Variants in ZFR observed in about 807,000 individuals in gnomAD.
ZFR encodes the protein zinc finger RNA binding protein.
In ZFR, 19 loss-of-function variants were observed where a neutral mutation model predicts 130.7. That is an observed-to-expected ratio of 0.15 (90% CI 0.10 to 0.21). ZFR has a LOEUF of 0.21. ZFR is among the 10% of genes least tolerant of loss of function. The pLI, the probability that ZFR is intolerant of heterozygous loss-of-function variation, is 1.00. For missense variants in ZFR, 872 were observed against 1,321.5 expected (o/e 0.66, Z 5.27); for synonymous variants, 466 against 456.9 (o/e 1.02, Z -0.25).
intron 3 of ZFR, among the ~76,000 whole-genome samples, chr5:32,418,914 T>A (rs773088074): frequency 6.6e-6 from 1 of 152,170 alleles, no homozygotes; most frequent in Non-Finnish European, 1.5e-5. Context: ...TTTTCAAACA[T>A]AATAAGGAGA....
intron 10 of ZFR, 44 bp downstream of exon 10, chr5:32,397,175 T>C (rs780470441): frequency 1.3e-6 from 2 of 1,559,178 alleles, no homozygotes; most frequent in South Asian, 2.5e-5. Context: ...GTTTTTGTTT[T>C]TGTTTTTTGT....
chr5:32,376,539 TGA>T (rs1752813500), intron 17 of ZFR, among the ~76,000 whole-genome samples: 2 of 150,588 alleles, frequency 1.3e-5, no homozygotes, highest in African/African-American at 4.9e-5. Context: ...TGTAGTGAGC[TGA>T]GATAGCCGTA....
chr5:32,437,017 T>C (rs1242997946), intron 2 of ZFR, among the ~76,000 whole-genome samples: 2 of 152,186 alleles, frequency 1.3e-5, no homozygotes, highest in African/African-American at 2.4e-5. Flanking sequence ...TGGCAGGTAA[T>C]AGGAGGAGCC....
At chr5:32,423,358 A>T (rs1479024951) in intron 2 of ZFR, among the ~76,000 whole-genome samples, 1 of 152,214 alleles carries the variant, frequency 6.6e-6, no homozygotes, top group Non-Finnish European at 1.5e-5. Flanking sequence ...ATTTAAAAAA[A>T]TTTTTAAAAA....
chr5:32,401,575 A>C (rs960049165), intron 8 of ZFR, among the ~76,000 whole-genome samples: 2 of 152,226 alleles, frequency 1.3e-5, no homozygotes, highest in Admixed American at 6.5e-5. Flanking sequence ...CAGTAATTCA[A>C]TATGAATTAC....
At chr5:32,406,667 A>C in intron 6 of ZFR, 107 bp downstream of exon 6, 1 of 1,423,896 alleles carries the variant, frequency 7.0e-7, no homozygotes, top group Non-Finnish European at 9.2e-7. Context: ...ACTGGCTAAA[A>C]GCTAACAGGA....
chr5:32,381,116 T>A (rs1465544294), intron 15 of ZFR, among the ~76,000 whole-genome samples: 1 of 152,134 alleles, frequency 6.6e-6, no homozygotes, highest in East Asian at 1.9e-4. Flanking sequence ...ACTAGTATGG[T>A]TAAACAGAAT....
At position 32,406,095 on chromosome 5, in the gene ZFR, A is replaced by G. The variant is rs113796952; in HGVS notation, c.1032+679T>C. Among the ~76,000 whole-genome samples, 659 of 152,336 alleles carry G rather than the reference A, an allele frequency of 4.3e-3. 3 individuals carry two copies. The highest frequency in any genetic ancestry group is 0.015 in the African/African-American group (641 of 41,580). ...AAAGTTGACACTCTTAAGCATAATAATAAGGCTGGGAGTTGAATCCATTAA... is the reference window on the plus strand; with the variant it reads ...AAAGTTGACACTCTTAAGCATAATAGTAAGGCTGGGAGTTGAATCCATTAA... On this transcript the variant is annotated intron_variant, in intron 6 of 19. Transcript: ENST00000265069.
At chr5:32,432,500 T>C (rs557177463) in intron 2 of ZFR, among the ~76,000 whole-genome samples, 1 of 152,074 alleles carries the variant, frequency 6.6e-6, no homozygotes, top group Non-Finnish European at 1.5e-5. Flanking sequence ...TTAAATTGGA[T>C]TATTTGACTT....
intron 2 of ZFR, among the ~76,000 whole-genome samples, chr5:32,432,694 A>G (rs72735356): frequency 1.6e-4 from 24 of 152,112 alleles, no homozygotes; most frequent in Non-Finnish European, 2.6e-4. Flanking sequence ...TATAATAATA[A>G]TTTTATTACC....
chr5:32,367,212 T>TCA (rs1321116663), intron 17 of ZFR, among the ~76,000 whole-genome samples: 1 of 152,014 alleles, frequency 6.6e-6, no homozygotes, highest in Non-Finnish European at 1.5e-5. Context: ...GGTGGGTGGA[T>TCA]CACCTGACGT....
At chr5:32,431,424 C>A (rs1209038448) in intron 2 of ZFR, among the ~76,000 whole-genome samples, 3 of 152,058 alleles carry the variant, frequency 2.0e-5, no homozygotes, top group Non-Finnish European at 4.4e-5. Flanking sequence ...CTAGAGGAAC[C>A]ACTACCAGGT....
intron 2 of ZFR, among the ~76,000 whole-genome samples, chr5:32,430,875 A>C (rs1186996237): frequency 2.0e-5 from 3 of 152,204 alleles, no homozygotes; most frequent in African/African-American, 7.2e-5. Flanking sequence ...CAGGAGTTTG[A>C]GACCAGCCTG....
At chr5:32,395,361 T>G (rs767916628) in intron 10 of ZFR, 57 bp from the exon 11 acceptor site, 1 of 1,307,696 alleles carries the variant, frequency 7.6e-7, no homozygotes, top group Non-Finnish European at 1.0e-6. Context: ...TCTACATGTA[T>G]TTTTAATCAT....
intron 17 of ZFR, among the ~76,000 whole-genome samples, chr5:32,374,723 G>T (rs62360818): frequency 3.3e-5 from 3 of 90,168 alleles, no homozygotes; most frequent in African/African-American, 1.3e-4. Flanking sequence ...AAACAAACAA[G>T]CAAAAAAAAA....
intron 6 of ZFR, among the ~76,000 whole-genome samples, chr5:32,406,370 A>G (rs1753579869): frequency 1.3e-5 from 2 of 152,240 alleles, no homozygotes; most frequent in African/African-American, 4.8e-5. Flanking sequence ...CCTGAAAATT[A>G]TAGATTATCA....
At chr5:32,376,749 G>A (rs1455531624) in intron 17 of ZFR, among the ~76,000 whole-genome samples, 2 of 152,184 alleles carry the variant, frequency 1.3e-5, no homozygotes, top group African/African-American at 2.4e-5. Context: ...CAGTTTGGGA[G>A]GCCAAGGAGG....
At chr5:32,399,502 C>A (rs935155670) in intron 9 of ZFR, among the ~76,000 whole-genome samples, 1 of 152,176 alleles carries the variant, frequency 6.6e-6, no homozygotes, top group Non-Finnish European at 1.5e-5. Flanking sequence ...TTTATCCAGT[C>A]CCCTCTGATA....
rs1331256700 is a variant in ZFR at position 32,411,702 on chromosome 5, AAAAT to A, written c.784+3263_784+3266del. ...AGATGCTGTCTCAAAAAAAAAAAAAAAAATTGAGGGGGGGCGGGGAATAGAAAAT... is the reference window on the plus strand; with the variant it reads ...AGATGCTGTCTCAAAAAAAAAAAAAATGAGGGGGGGCGGGGAATAGAAAAT... On this transcript the variant is annotated intron_variant, in intron 5 of 19. Transcript: ENST00000265069. 5.3e-4 allele frequency among the ~76,000 whole-genome samples: 6 copies of A among 11,396 alleles called. 1 individual carries two copies. Among genetic ancestry groups the A allele is most frequent in the Non-Finnish European group, 1.0e-3 (5 of 4,802 alleles). 7.5% of individuals were successfully genotyped at this position (11,396 alleles called of 152,430 possible). A position where few individuals can be genotyped will look rare whatever the true frequency, so the allele number is the denominator to read the frequency against.
Sources: gnomAD v4.1 joint callset for allele counts (sites outside exome capture counted in the v4.1 genomes callset) on GRCh38, gnomAD v4.1.1 for gene constraint, MANE v1.5 for transcripts, NCBI Gene and HGNC (gene_info 2026-07-23, HGNC 2026-07-21) for gene names.